TNFRSF9: variants seen among roughly 807,000 people sequenced by gnomAD.
TNFRSF9 encodes the protein tumor necrosis factor receptor superfamily member 9.
TNFRSF9 carries 16 observed loss-of-function variants against 28.8 expected under a neutral mutation model. The ratio of observed to expected loss-of-function variants is 0.55; its 90% CI spans 0.38 to 0.84. The LOEUF (loss-of-function observed/expected upper bound fraction) is 0.84. Among genes scored for constraint, TNFRSF9 ranks in the 40% least tolerant of loss-of-function variants. The pLI, the probability that TNFRSF9 is intolerant of heterozygous loss-of-function variation, is 0.00. For synonymous variants in TNFRSF9, 131 were observed against 117.0 expected (o/e 1.12, Z -0.77); for missense variants, 303 against 315.0 (o/e 0.96, Z 0.29).
In TNFRSF9 at chr1:7,919,846, A is replaced by G. The variant is rs1639531478; in HGVS notation, c.*989T>C. 1 of 152,220 alleles carries G rather than the reference A, an allele frequency of 6.6e-6. No homozygotes were observed. Among genetic ancestry groups the G allele is most frequent in the East Asian group, 1.9e-4 (1 of 5,200 alleles). 9.4% of individuals were successfully genotyped at this position (152,220 alleles called of 1,614,324 possible). A position where few individuals can be genotyped will look rare whatever the true frequency, so the allele number is the denominator to read the frequency against. ...AATTTTCTCACTGTACTTCATACCT[A>G]TCATATGCAGTTCATTTATTGGCTT... On this transcript the variant is annotated 3_prime_UTR_variant, in exon 8 of 8. Transcript: ENST00000377507.
At chr1:7,939,481 T>C (rs1639870426) in intron 2 of TNFRSF9, among the ~76,000 whole-genome samples, 1 of 152,228 alleles carries the variant, frequency 6.6e-6, no homozygotes, top group African/African-American at 2.4e-5. Context: ...AGGACATCAA[T>C]GTCCTACACT....
At chr1:7,933,120 C>A in intron 7 of TNFRSF9, 42 bp downstream of exon 7, 1 of 1,550,708 alleles carries the variant, frequency 6.4e-7, no homozygotes, top group East Asian at 2.3e-5. Context: ...TTATAAAAAG[C>A]CTTGCCTTGC....
intron 7 of TNFRSF9, among the ~76,000 whole-genome samples, chr1:7,927,027 C>T (rs1639666106): frequency 6.6e-6 from 1 of 151,698 alleles, no homozygotes; most frequent in Non-Finnish European, 1.5e-5. Flanking sequence ...AGTTCAAGAC[C>T]AGCCTGAGCA....
At position 7,922,554 on chromosome 1, in the gene TNFRSF9, G is replaced by C. The variant is rs551601433; in HGVS notation, c.680-1631C>G. 2.0e-3 allele frequency among the ~76,000 whole-genome samples: 308 copies of C among 152,280 alleles called. 2 individuals carry two copies. The highest frequency in any genetic ancestry group is 7.0e-3 in the African/African-American group (289 of 41,562). On this transcript the variant is annotated intron_variant, in intron 7 of 7. Coordinates refer to ENST00000377507, the MANE Select transcript of TNFRSF9 (RefSeq NM_001561.6). ...AGGCCAGGCGTGGTGACTCACATCTGTAATCCCAGCACTTTGGGAAGCCAA... is the reference window on the plus strand; with the variant it reads ...AGGCCAGGCGTGGTGACTCACATCTCTAATCCCAGCACTTTGGGAAGCCAA...
chr1:7,920,949 A>G (rs1639549771), intron 7 of TNFRSF9, 26 bp from the exon 8 acceptor site: 3 of 1,495,188 alleles, frequency 2.0e-6, no homozygotes, highest in East Asian at 2.3e-5. Context: ...TAAGATACGT[A>G]TATTTTGTTG....
Position 7,939,916 on chromosome 1 carries a change from G to C in TNFRSF9, c.79C>G (p.Pro27Ala), listed in dbSNP as rs1639876493. ...NFERTRSLQD[P>A]CSNCPAGTFC... ...TCACCAGCTGGGCAGTTACTACAAG[G>C]ATCCTGCAATGATCTTGTCCTCTCA... is the stretch of plus-strand genomic sequence containing the variant. The change falls in exon 2 of 8, where the codon CCT (proline) becomes GCT (alanine). Residue 27 changes from proline (P) to alanine (A), a missense_variant. By Grantham distance (27) the Pro-to-Ala change is conservative. Coordinates refer to ENST00000377507, the MANE Select transcript of TNFRSF9 (RefSeq NM_001561.6). 1 of 1,601,290 alleles carries C rather than the reference G, an allele frequency of 6.2e-7. No homozygotes were observed.
Position 7,920,743 on chromosome 1 carries a change from G to A in TNFRSF9, c.*92C>T, listed in dbSNP as rs1489524087. On this transcript the variant is annotated 3_prime_UTR_variant, in exon 8 of 8. Transcript: ENST00000377507. ...GGGAATCCTGGGTATTATGTAGGAT[G>A]GTGTTCTTGCTTTTGAAAGCTGTGA... 1 of 986,912 alleles carries A rather than the reference G, an allele frequency of 1.0e-6. No individual in the cohort carries two copies. Among genetic ancestry groups the A allele is most frequent in the African/African-American group, 1.6e-5 (1 of 62,270 alleles). The allele number at this position is 986,912 out of a possible 1,614,324, so 61.1% of individuals were successfully genotyped here. A position where few individuals can be genotyped will look rare whatever the true frequency, so the allele number is the denominator to read the frequency against.
chr1:7,926,934 C>T (rs549256457), intron 7 of TNFRSF9, among the ~76,000 whole-genome samples: 6 of 152,046 alleles, frequency 3.9e-5, no homozygotes, highest in African/African-American at 4.8e-5. Flanking sequence ...AAATTTAAAA[C>T]GAATCAAGCA....
intron 7 of TNFRSF9, chr1:7,921,950 C>A (rs989670088): frequency 8.5e-5 from 13 of 152,090 alleles, no homozygotes; most frequent in African/African-American, 3.1e-4. Context: ...TACTGAGATT[C>A]GAGATCCGAT....
intron 7 of TNFRSF9, among the ~76,000 whole-genome samples, chr1:7,930,032 C>T (rs1490695793): frequency 2.9e-5 from 4 of 140,146 alleles, no homozygotes; most frequent in Admixed American, 8.0e-5. Flanking sequence ...TGCAATGGCA[C>T]GATCTCAGTT....
intron 7 of TNFRSF9, among the ~76,000 whole-genome samples, chr1:7,924,667 T>G (rs1188370622): frequency 1.3e-5 from 2 of 151,854 alleles, no homozygotes; most frequent in Non-Finnish European, 2.9e-5. Context: ...AAAAACCAGT[T>G]AATTGTAAAA....
In TNFRSF9 at chr1:7,916,080, C is replaced by T. The variant is rs967358527; in HGVS notation, c.*4755G>A. ...AGATGCCCACTTTATAGTCATCCGC[C>T]CCTCACATCAAAACTTTCCGTCAGA... is the stretch of plus-strand genomic sequence containing the variant. On this transcript the variant is annotated 3_prime_UTR_variant, in exon 8 of 8. Transcript: ENST00000377507. The T allele has an allele frequency of 1.3e-5, 2 of 151,910 alleles. No homozygotes were observed. Among genetic ancestry groups the T allele is most frequent in the Admixed American group, 6.6e-5 (1 of 15,236 alleles). 9.4% of individuals were successfully genotyped at this position (151,910 alleles called of 1,614,324 possible). A position where few individuals can be genotyped will look rare whatever the true frequency, so the allele number is the denominator to read the frequency against.
Position 7,939,840 on chromosome 1 carries a change from C to G in TNFRSF9, c.100+55G>C. The G allele has an allele frequency of 7.1e-6, 10 of 1,409,406 alleles. No individual in the cohort carries two copies. In the South Asian group the frequency reaches 1.2e-4, roughly 16 times the overall value. 87.3% of individuals were successfully genotyped at this position (1,409,406 alleles called of 1,614,324 possible). ...TCGTTAGCCCTGACTACTAGACTAA[C>G]TGAACCATACTTCCAACAGAGCAGA... On this transcript the variant is annotated intron_variant, in intron 2 of 7. Transcript: ENST00000377507.
At chr1:7,932,721 GCACACACACACATACACA>G (rs1639751726) in intron 7 of TNFRSF9, among the ~76,000 whole-genome samples, 3 of 142,624 alleles carry the variant, frequency 2.1e-5, no homozygotes, top group Admixed American at 7.1e-5. Flanking sequence ...ACACAGACAC[GCACACACACACATACACA>G]CACACACACA....
intron 6 of TNFRSF9, among the ~76,000 whole-genome samples, chr1:7,933,554 T>C (rs1639767976): frequency 6.6e-6 from 1 of 151,594 alleles, no homozygotes; most frequent in Non-Finnish European, 1.5e-5. Context: ...CTGGCCAACA[T>C]AGTGGTGGCA....
rs33970118 is a variant in TNFRSF9, at chr1:7,920,304, C to CTTTTTT, written c.*525_*530dup. 2.4e-5 allele frequency: 3 copies of CTTTTTT among 127,612 alleles called. No individual in the cohort carries two copies. Among genetic ancestry groups the CTTTTTT allele is most frequent in the African/African-American group, 5.9e-5 (2 of 33,774 alleles). The allele number at this position is 127,612 out of a possible 1,614,324, so 7.9% of individuals were successfully genotyped here. A position where few individuals can be genotyped will look rare whatever the true frequency, so the allele number is the denominator to read the frequency against. On this transcript the variant is annotated 3_prime_UTR_variant, in exon 8 of 8. Coordinates refer to ENST00000377507, the MANE Select transcript of TNFRSF9 (RefSeq NM_001561.6). ...CCTGTTAAGTGGTATCTAGAAAATG[C>CTTTTTT]TTTTTTTTTTTTTTTTTTATCACCA...
In TNFRSF9 at chr1:7,940,015, T is replaced by G; in HGVS notation, c.-21A>C. ...CCCATGATGAAATCTGGCACAGGTA[T>G]GATACTAGCAAAGCTGATTCCAAGA... On this transcript the variant is annotated 5_prime_UTR_variant, in exon 2 of 8. Coordinates refer to ENST00000377507, the MANE Select transcript of TNFRSF9 (RefSeq NM_001561.6). The G allele has an allele frequency of 2.6e-6, 4 of 1,536,226 alleles. No homozygotes were observed. The highest frequency in any genetic ancestry group is 3.6e-6 in the Non-Finnish European group (4 of 1,113,964).
intron 7 of TNFRSF9, among the ~76,000 whole-genome samples, chr1:7,931,202 AAC>A (rs1355392175): frequency 6.6e-6 from 1 of 152,248 alleles, no homozygotes; most frequent in African/African-American, 2.4e-5. Flanking sequence ...CATTTAGGAA[AAC>A]AGTTTGGCAT....
chr1:7,930,659 T>C (rs1639721047), intron 7 of TNFRSF9, among the ~76,000 whole-genome samples: 1 of 152,146 alleles, frequency 6.6e-6, no homozygotes, highest in African/African-American at 2.4e-5. Context: ...GTCCCAGCTA[T>C]TTAGTAGGCT....
Sources: gnomAD v4.1 joint callset for allele counts (sites outside exome capture counted in the v4.1 genomes callset) on GRCh38, gnomAD v4.1.1 for gene constraint, MANE v1.5 for transcripts, NCBI Gene and HGNC (gene_info 2026-07-23, HGNC 2026-07-21) for gene names.